The following SPECC1L variants were observed in gnomAD, a reference collection of about 807,000 sequenced individuals.
SPECC1L encodes sperm antigen with calponin homology and coiled-coil domains 1 like.
SPECC1L carries 40 observed loss-of-function variants against 116.8 expected under a neutral mutation model. That is an observed-to-expected ratio of 0.34 (90% CI 0.27 to 0.45). The LOEUF (loss-of-function observed/expected upper bound fraction) is 0.45. Among genes scored for constraint, SPECC1L ranks in the 20% least tolerant of loss-of-function variants. The pLI, the probability that SPECC1L is intolerant of heterozygous loss-of-function variation, is 1.00. For synonymous variants in SPECC1L, 504 were observed against 500.6 expected (o/e 1.01, Z -0.09); for missense variants, 1,110 against 1,373.6 (o/e 0.81, Z 3.03).
rs187765519 is a variant in SPECC1L at position 24,361,557 on chromosome 22, C to T, written c.2744-1704C>T. 4.7e-4 allele frequency among the ~76,000 whole-genome samples: 71 copies of T among 152,190 alleles called. No individual in the cohort carries two copies. The East Asian group carries it at 0.012, about 25-fold the overall frequency. On this transcript the variant is annotated intron_variant, in intron 11 of 16. Transcript: ENST00000314328. ...ATCCCAGCTACTCAGGAGGCTGAGA[C>T]GGGAGAATCGCTTGAACCCAGGAGG... is the stretch of plus-strand genomic sequence containing the variant.
chr22:24,344,606 AAAAAG>A (rs1335934914), intron 10 of SPECC1L, among the ~76,000 whole-genome samples: 14 of 140,086 alleles, frequency 1.0e-4, no homozygotes, highest in African/African-American at 3.9e-4. Flanking sequence ...AAAAAAAAAA[AAAAAG>A]AAAGAAAAGC....
intron 3 of SPECC1L, among the ~76,000 whole-genome samples, chr22:24,306,216 C>CT (rs2049493458): frequency 6.6e-6 from 1 of 152,042 alleles, no homozygotes; most frequent in Non-Finnish European, 1.5e-5. Context: ...CTTATACATT[C>CT]TTTTTATGTG....
chr22:24,299,699 AT>A (rs2049337667), intron 2 of SPECC1L, among the ~76,000 whole-genome samples: 1 of 151,472 alleles, frequency 6.6e-6, no homozygotes. Context: ...GGAAAAACTT[AT>A]GGTTTTTTTT....
chr22:24,334,220 G>C (rs1263740668), intron 8 of SPECC1L, among the ~76,000 whole-genome samples, 190 bp from the exon 9 acceptor site: 1 of 151,804 alleles, frequency 6.6e-6, no homozygotes, highest in Non-Finnish European at 1.5e-5. Flanking sequence ...CACCGTGTTA[G>C]CCAAGATGGT....
chr22:24,363,076 C>T (rs1355232301), intron 11 of SPECC1L, among the ~76,000 whole-genome samples, 185 bp from the exon 12 acceptor site: 1 of 152,184 alleles, frequency 6.6e-6, no homozygotes, highest in African/African-American at 2.4e-5. Flanking sequence ...GAATGTTCTA[C>T]TGTGTTCTGT....
At position 24,321,728 on chromosome 22, in the gene SPECC1L, A is replaced by G. The variant is rs751880380; in HGVS notation, c.748A>G (p.Asn250Asp). Reference sequence around the variant, plus strand: ...CACTTTATTGCAGTTGCAGGAACAGAATACTGCCATCCGTGAAGAACTCAA... The same window carrying G: ...CACTTTATTGCAGTTGCAGGAACAGGATACTGCCATCCGTGAAGAACTCAA... ...ESTLLQLQEQ[N>D]TAIREELNQL... is the part of the protein sequence containing the mutation. The change falls in exon 5 of 17, where the codon AAT becomes GAT. Residue 250 changes from asparagine to aspartate, a missense_variant. Transcript: ENST00000314328. 6.2e-7 allele frequency: 1 copy of G among 1,614,252 alleles called. No individual in the cohort carries two copies. Among genetic ancestry groups the G allele is most frequent in the East Asian group, 2.2e-5 (1 of 44,892 alleles).
At position 24,270,882 on chromosome 22, in the gene SPECC1L, C is replaced by G. The variant is rs546554837; in HGVS notation, c.-243C>G. On this transcript the variant is annotated 5_prime_UTR_variant, in exon 1 of 17. Coordinates refer to ENST00000314328, the MANE Select transcript of SPECC1L (RefSeq NM_015330.6). ...GCAAGCGGCGCTGCGGGGTAGGCTG[C>G]TTTCCTGAGGCCGGACTCAACGGGT... The G allele has an allele frequency of 6.6e-6, 1 of 152,522 alleles. No individual in the cohort carries two copies. The highest frequency in any genetic ancestry group is 2.1e-4 in the South Asian group (1 of 4,832). 9.4% of individuals were successfully genotyped at this position (152,522 alleles called of 1,614,324 possible). A position where few individuals can be genotyped will look rare whatever the true frequency, so the allele number is the denominator to read the frequency against.
intron 11 of SPECC1L, among the ~76,000 whole-genome samples, chr22:24,357,345 T>A (rs2041552411): frequency 6.6e-6 from 1 of 152,148 alleles, no homozygotes; most frequent in African/African-American, 2.4e-5. Flanking sequence ...GAAGATTGCT[T>A]GAGCCAAGAA....
At chr22:24,292,456 A>AT in intron 2 of SPECC1L, among the ~76,000 whole-genome samples, 1 of 152,184 alleles carries the variant, frequency 6.6e-6, no homozygotes, top group South Asian at 2.1e-4. Context: ...TACACATGTT[A>AT]TTTTTTACAA....
chr22:24,414,617 G>A lies in SPECC1L; in HGVS notation c.3348G>A (p.Glu1116=). 6.2e-7 allele frequency: 1 copy of A among 1,613,910 alleles called. No homozygotes were observed. Among genetic ancestry groups the A allele is most frequent in the South Asian group, 1.1e-5 (1 of 91,084 alleles). ...TGACGGCGATCTACAAGTACTTTGA[G>A]ACCTGAGCATGCCGGGAGGAGCCGC... ...LYVTAIYKYF[E]T Residue 1116 remains glutamate, a synonymous_variant, in exon 17 of 17, where the codon GAG becomes GAA. Transcript: ENST00000314328.
At position 24,310,292 on chromosome 22, in the gene SPECC1L, A is replaced by G. The variant is rs148509703; in HGVS notation, c.154-3021A>G. On this transcript the variant is annotated intron_variant, in intron 3 of 16. Coordinates refer to ENST00000314328, the MANE Select transcript of SPECC1L (RefSeq NM_015330.6). ...ATTTAAGGCGTACCAGTATTTTGCA[A>G]TAAAAAACAATGCTGCAGTGAATAA... is the stretch of plus-strand genomic sequence containing the variant. Among the ~76,000 whole-genome samples, 6 of 152,346 alleles carry G rather than the reference A, an allele frequency of 3.9e-5. No homozygotes were observed. In the East Asian group the frequency reaches 9.6e-4, roughly 24 times the overall value.
intron 1 of SPECC1L, 125 bp downstream of exon 1, chr22:24,271,108 C>T (rs2048715207): frequency 6.6e-6 from 1 of 152,508 alleles, no homozygotes; most frequent in Non-Finnish European, 1.5e-5. Context: ...TGCGCCGTCT[C>T]TGCTCCTGGG....
Position 24,330,308 on chromosome 22 carries a change from T to TTTAATTA in SPECC1L, c.2273_2274insTTAATTA (p.Ile759Ter). ...CAGGCTGATCTCCAGACTGCAGTAG[T>TTTAATTA]CATTGCAAATGACATTAAATCTGAA... On this transcript the variant is annotated stop_gained and frameshift_variant, in exon 8 of 17. Coordinates refer to ENST00000314328, the MANE Select transcript of SPECC1L (RefSeq NM_015330.6). LOFTEE classifies it high-confidence loss of function. 6.2e-7 allele frequency: 1 copy of TTTAATTA among 1,614,142 alleles called. No individual in the cohort carries two copies. Among genetic ancestry groups the TTTAATTA allele is most frequent in the Non-Finnish European group, 8.5e-7 (1 of 1,180,030 alleles).
At chr22:24,273,288 T>C (rs1044960438) in intron 1 of SPECC1L, among the ~76,000 whole-genome samples, 2 of 152,146 alleles carry the variant, frequency 1.3e-5, no homozygotes, top group Non-Finnish European at 2.9e-5. Context: ...AACCTGTGTG[T>C]GGTATTATGC....
chr22:24,325,867 T>C (rs1394918208), intron 6 of SPECC1L, among the ~76,000 whole-genome samples: 2 of 152,166 alleles, frequency 1.3e-5, no homozygotes, highest in African/African-American at 4.8e-5. Context: ...GTCATGTCCT[T>C]TGTGACAAGA....
In SPECC1L at chr22:24,295,000, T is replaced by C. The variant is rs563374746; in HGVS notation, c.-37-7195T>C. 5.7e-4 allele frequency among the ~76,000 whole-genome samples: 86 copies of C among 152,144 alleles called. 3 individuals carry two copies. The South Asian group carries it at 0.011, about 20-fold the overall frequency. On this transcript the variant is annotated intron_variant, in intron 2 of 16. Coordinates refer to ENST00000314328, the MANE Select transcript of SPECC1L (RefSeq NM_015330.6). The stretch of plus-strand genomic sequence containing the variant: ...TCTACCTTATATGGTAGGTAAGAGA[T>C]AGCCCTTTGTTTTCCTCAGGAGGTT...
At chr22:24,335,311 A>G (rs2041029992) in intron 9 of SPECC1L, among the ~76,000 whole-genome samples, 1 of 152,222 alleles carries the variant, frequency 6.6e-6, no homozygotes. Context: ...TGCTTATTAT[A>G]GTTGAAATGA....
At chr22:24,375,974 AAAAAC>A (rs1428304906) in intron 14 of SPECC1L, among the ~76,000 whole-genome samples, 1 of 151,962 alleles carries the variant, frequency 6.6e-6, no homozygotes, top group African/African-American at 2.4e-5. Flanking sequence ...AACAAACAAA[AAAAAC>A]AAAAAAAACC....
At chr22:24,329,622 C>CT (rs1387662691) in intron 7 of SPECC1L, among the ~76,000 whole-genome samples, 1 of 152,174 alleles carries the variant, frequency 6.6e-6, no homozygotes, top group African/African-American at 2.4e-5. Context: ...CATGCCCCAG[C>CT]TATGGCTCTG....
Sources: allele counts gnomAD v4.1 joint callset (sites outside exome capture counted in the v4.1 genomes callset), GRCh38; gene constraint gnomAD v4.1.1; transcripts MANE v1.5; gene names NCBI Gene and HGNC (gene_info 2026-07-23, HGNC 2026-07-21).